The following PPP1R12A variants were observed in gnomAD, a reference collection of about 807,000 sequenced individuals.
PPP1R12A encodes the protein protein phosphatase 1 regulatory subunit 12A, also known as myosin binding subunit.
PPP1R12A carries 19 observed loss-of-function variants against 139.6 expected under a neutral mutation model. That is an observed-to-expected ratio of 0.14 (90% confidence interval 0.09 to 0.20). The LOEUF (loss-of-function observed/expected upper bound fraction) is 0.20, where lower values mean the gene tolerates loss of function less well. Among genes scored for constraint, PPP1R12A ranks in the 10% least tolerant of loss-of-function variants. PPP1R12A has a pLI of 1.00. For synonymous variants in PPP1R12A, 427 were observed against 420.6 expected, an observed-to-expected ratio of 1.02 and a Z score of -0.19; for missense variants, 925 against 1,211.5, an observed-to-expected ratio of 0.76 and a Z score of 3.51.
chr12:79,895,447 G>T (rs1279574820), intron 1 of PPP1R12A, among the ~76,000 whole-genome samples: 1 of 151,872 alleles, frequency 6.6e-6, no homozygotes, highest in African/African-American at 2.4e-5. Flanking sequence ...AAATATACTA[G>T]TAAATCACTG....
Position 79,781,869 on chromosome 12 carries a change from C to T in PPP1R12A, c.2908-7G>A. Reference sequence around the variant, plus strand: ...CAGCAAATCTTTCTTGTCTCTGCAACAAAGTAAGAAATTATAAAAGAGATA... The same window carrying T: ...CAGCAAATCTTTCTTGTCTCTGCAATAAAGTAAGAAATTATAAAAGAGATA... On this transcript the variant is annotated splice_polypyrimidine_tract_variant and splice_region_variant and intron_variant, in intron 22 of 24. Transcript: ENST00000450142. 2 of 1,530,324 alleles carry T rather than the reference C, an allele frequency of 1.3e-6. No homozygotes were observed. Among genetic ancestry groups the T allele is most frequent in the Middle Eastern group, 3.5e-4 (2 of 5,666 alleles). The allele number at this position is 1,530,324 out of a possible 1,614,324, so 94.8% of individuals were successfully genotyped here. A position where few individuals can be genotyped will look rare whatever the true frequency, so the allele number is the denominator to read the frequency against.
At chr12:79,917,130 T>C (rs1052214144) in intron 1 of PPP1R12A, among the ~76,000 whole-genome samples, 53 of 152,136 alleles carry the variant, frequency 3.5e-4, no homozygotes, top group African/African-American at 1.2e-3. Flanking sequence ...TTCCCACATA[T>C]AAAGACTGGC....
At chr12:79,879,718 G>A (rs1883449737) in intron 1 of PPP1R12A, among the ~76,000 whole-genome samples, 1 of 152,144 alleles carries the variant, frequency 6.6e-6, no homozygotes, top group South Asian at 2.1e-4. Flanking sequence ...AGAATGACAG[G>A]AGGGACACAA....
intron 1 of PPP1R12A, among the ~76,000 whole-genome samples, chr12:79,895,367 A>G (rs542355726): frequency 2.0e-5 from 3 of 152,208 alleles, no homozygotes; most frequent in Non-Finnish European, 4.4e-5. Flanking sequence ...GAAAGATTAT[A>G]TGCTAATACT....
chr12:79,786,545 G>T (rs1412164900), intron 21 of PPP1R12A, 67 bp from the exon 22 acceptor site: 6 of 1,036,814 alleles, frequency 5.8e-6, no homozygotes, highest in Non-Finnish European at 8.4e-6. Context: ...ATTTCTCATT[G>T]ATTACTTTGC....
intron 3 of PPP1R12A, among the ~76,000 whole-genome samples, chr12:79,839,869 A>C (rs1878508393): frequency 6.6e-6 from 1 of 152,208 alleles, no homozygotes; most frequent in Non-Finnish European, 1.5e-5. Flanking sequence ...GTATTTCTTC[A>C]TAGCATCATG....
At chr12:79,869,760 C>G (rs1882367216) in intron 2 of PPP1R12A, among the ~76,000 whole-genome samples, 1 of 152,054 alleles carries the variant, frequency 6.6e-6, no homozygotes, top group Admixed American at 6.6e-5. Context: ...TCTTAAATTA[C>G]TGAGACTAAG....
At chr12:79,778,820 A>C (rs1012609481) in intron 23 of PPP1R12A, 3 of 350,476 alleles carry the variant, frequency 8.6e-6, no homozygotes, top group Admixed American at 4.1e-5. Context: ...TAAAGCTTTG[A>C]CTTTCTGGGA....
chr12:79,896,887 T>C (rs1364466873), intron 1 of PPP1R12A, among the ~76,000 whole-genome samples: 1 of 152,200 alleles, frequency 6.6e-6, no homozygotes, highest in African/African-American at 2.4e-5. Context: ...ATCTATCTAG[T>C]TATCCATTCT....
chr12:79,807,194 A>T, intron 12 of PPP1R12A, 32 bp downstream of exon 12: 1 of 1,214,958 alleles, frequency 8.2e-7, no homozygotes, highest in Non-Finnish European at 1.1e-6. Context: ...ATAAATGAAT[A>T]CATAAAAACC....
intron 2 of PPP1R12A, among the ~76,000 whole-genome samples, chr12:79,870,913 C>A (rs1882500301): frequency 6.6e-6 from 1 of 152,186 alleles, no homozygotes; most frequent in South Asian, 2.1e-4. Flanking sequence ...ATGTCTTCAG[C>A]AACTGGAGGG....
At chr12:79,788,531 T>G in intron 21 of PPP1R12A, 117 bp downstream of exon 21, 1 of 1,046,294 alleles carries the variant, frequency 9.6e-7, no homozygotes, top group South Asian at 2.2e-5. Context: ...TGCCGAAAAC[T>G]GAAAATAAGT....
chr12:79,779,346 G>A (rs1320872448), intron 23 of PPP1R12A: 13 of 1,288,794 alleles, frequency 1.0e-5, no homozygotes, highest in South Asian at 6.2e-5. Context: ...GACTCTTGCC[G>A]GTCACCTTTC....
intron 1 of PPP1R12A, among the ~76,000 whole-genome samples, chr12:79,900,342 G>A (rs1418988177): frequency 2.0e-5 from 3 of 152,134 alleles, no homozygotes; most frequent in East Asian, 3.8e-4. Flanking sequence ...GAAACATACA[G>A]AGGCAGCAAA....
At chr12:79,789,788 T>G in intron 20 of PPP1R12A, 1 of 383,644 alleles carries the variant, frequency 2.6e-6, no homozygotes. Context: ...CTTTTTTTTT[T>G]TTTTTTTAAA....
At chr12:79,932,733 G>A (rs1888344812) in intron 1 of PPP1R12A, among the ~76,000 whole-genome samples, 1 of 152,070 alleles carries the variant, frequency 6.6e-6, no homozygotes, top group Non-Finnish European at 1.5e-5. Context: ...TGAATATTGA[G>A]AGGAGAAAAA....
chr12:79,922,176 C>A (rs1447082737), intron 1 of PPP1R12A, among the ~76,000 whole-genome samples: 1 of 152,122 alleles, frequency 6.6e-6, no homozygotes, highest in Non-Finnish European at 1.5e-5. Flanking sequence ...GTGGGAGAAT[C>A]ACTAAGGCCA....
At chr12:79,877,294 G>A (rs1467627951) in intron 1 of PPP1R12A, among the ~76,000 whole-genome samples, 1 of 152,210 alleles carries the variant, frequency 6.6e-6, no homozygotes, top group East Asian at 1.9e-4. Context: ...TATAACAGAT[G>A]ATAAAAGAAT....
At chr12:79,890,791 C>A (rs572016587) in intron 1 of PPP1R12A, among the ~76,000 whole-genome samples, 6 of 152,014 alleles carry the variant, frequency 3.9e-5, no homozygotes, top group Admixed American at 3.3e-4. Context: ...CATAAGCATA[C>A]ACATAGATAA....
Sources: allele counts gnomAD v4.1 joint callset (sites outside exome capture counted in the v4.1 genomes callset), GRCh38; gene constraint gnomAD v4.1.1; transcripts MANE v1.5; gene names NCBI Gene and HGNC (gene_info 2026-07-23, HGNC 2026-07-21).